RAB3C: variants seen among roughly 807,000 people sequenced by gnomAD.
RAB3C encodes the protein RAB3C, member RAS oncogene family.
RAB3C carries 17 observed loss-of-function variants against 26.4 expected under a neutral mutation model. That is an observed-to-expected ratio of 0.64 (90% CI 0.44 to 0.97). RAB3C has a LOEUF of 0.97. RAB3C is among the 50% of genes least tolerant of loss of function. RAB3C has a pLI of 0.00. For missense variants in RAB3C, 242 were observed against 281.9 expected (o/e 0.86, Z 1.01); for synonymous variants, 91 against 95.9 (o/e 0.95, Z 0.30).
At chr5:58,718,663 G>A (rs1237261293) in intron 2 of RAB3C, among the ~76,000 whole-genome samples, 1 of 152,022 alleles carries the variant, frequency 6.6e-6, no homozygotes, top group African/African-American at 2.4e-5. Flanking sequence ...TGAAAAGGTT[G>A]GATAAAGGAC....
intron 3 of RAB3C, chr5:58,814,540 C>G (rs533555849): frequency 6.6e-6 from 1 of 152,256 alleles, no homozygotes; most frequent in African/African-American, 2.4e-5. Context: ...TCACTAATTC[C>G]CCCAGGACAA....
At chr5:58,666,709 G>T (rs1375352780) in intron 2 of RAB3C, among the ~76,000 whole-genome samples, 1 of 152,216 alleles carries the variant, frequency 6.6e-6, no homozygotes, top group African/African-American at 2.4e-5. Flanking sequence ...GGAAGCCTGA[G>T]CTGCGGTCAG....
chr5:58,731,031 T>C lies in RAB3C; in HGVS notation c.371+4911T>C, dbSNP rs192347384. 2.0e-4 allele frequency among the ~76,000 whole-genome samples: 30 copies of C among 151,894 alleles called. No individual in the cohort carries two copies. The East Asian group carries it at 5.8e-3, about 30-fold the overall frequency. On this transcript the variant is annotated intron_variant, in intron 3 of 4. Transcript: ENST00000282878. ...GAGACTTACTATCATAAGAACAACA[T>C]GGGAAAAAAACCCACCCCATGATTC...
At chr5:58,780,093 T>C (rs1483289139) in intron 3 of RAB3C, among the ~76,000 whole-genome samples, 3 of 152,020 alleles carry the variant, frequency 2.0e-5, no homozygotes, top group Non-Finnish European at 4.4e-5. Flanking sequence ...CTGAAAAGCA[T>C]TGGAGGGCAG....
intron 3 of RAB3C, chr5:58,822,989 G>T: frequency 1.6e-6 from 1 of 617,722 alleles, no homozygotes; most frequent in Non-Finnish European, 3.1e-6. Context: ...TAAAGTTTTT[G>T]GGGCCTTGAA....
At chr5:58,733,266 AT>A (rs1348444577) in intron 3 of RAB3C, among the ~76,000 whole-genome samples, 1 of 152,132 alleles carries the variant, frequency 6.6e-6, no homozygotes. Flanking sequence ...TATTCATGGA[AT>A]GAGTGAGTAA....
rs372157686 is a variant in RAB3C, at chr5:58,612,487, G to GGT, written c.25-5123_25-5122dup. Among the ~76,000 whole-genome samples the GGT allele has an allele frequency of 2.7e-3, 304 of 113,018 alleles. 1 individual carries two copies. The highest frequency in any genetic ancestry group is 8.0e-3 in the African/African-American group (203 of 25,252). The allele number at this position is 113,018 out of a possible 152,430, so 74.1% of individuals were successfully genotyped here. On this transcript the variant is annotated intron_variant, in intron 1 of 4. Transcript: ENST00000282878. Reference sequence around the variant, plus strand: ...GGTTAGCTGGTTAGCTGTGTTCCTAGGTGTGTGTGTGTGTGTGTGTGTGTG... The same window carrying GGT: ...GGTTAGCTGGTTAGCTGTGTTCCTAGGTGTGTGTGTGTGTGTGTGTGTGTGTG...
chr5:58,674,351 A>G (rs1192379688), intron 2 of RAB3C, among the ~76,000 whole-genome samples: 1 of 152,204 alleles, frequency 6.6e-6, no homozygotes, highest in Non-Finnish European at 1.5e-5. Context: ...TGAAGTATAT[A>G]TTAATATGTT....
intron 2 of RAB3C, among the ~76,000 whole-genome samples, chr5:58,721,487 A>G (rs1035300667): frequency 3.3e-5 from 5 of 151,852 alleles, no homozygotes; most frequent in African/African-American, 1.2e-4. Flanking sequence ...TTGGGAAAAG[A>G]TACCATTTTA....
In RAB3C at chr5:58,712,350, T is replaced by C. The variant is rs193184388; in HGVS notation, c.253-13652T>C. Among the ~76,000 whole-genome samples the C allele has an allele frequency of 1.7e-3, 257 of 152,272 alleles. 1 individual carries two copies. Among genetic ancestry groups the C allele is most frequent in the South Asian group, 5.4e-3 (26 of 4,822 alleles). ...AGGTATATAGATATTTAATGTTTGGTTGGTTTTCATTAAGAAGTTAGGTTA... is the reference window on the plus strand; with the variant it reads ...AGGTATATAGATATTTAATGTTTGGCTGGTTTTCATTAAGAAGTTAGGTTA... On this transcript the variant is annotated intron_variant, in intron 2 of 4. Transcript: ENST00000282878.
intron 3 of RAB3C, among the ~76,000 whole-genome samples, chr5:58,807,489 A>G (rs529257174): frequency 6.3e-4 from 96 of 152,302 alleles, no homozygotes; most frequent in Admixed American, 9.8e-4. Flanking sequence ...TAAGCAACAG[A>G]CATTTATTTC....
At chr5:58,742,343 A>G (rs1354587798) in intron 3 of RAB3C, among the ~76,000 whole-genome samples, 1 of 152,190 alleles carries the variant, frequency 6.6e-6, no homozygotes, top group African/African-American at 2.4e-5. Context: ...CCATGTCAAA[A>G]TGTTCTTTTT....
intron 1 of RAB3C, among the ~76,000 whole-genome samples, chr5:58,612,512 GTGTGTGTGTATATATATATATA>G (rs1308474850): frequency 1.4e-5 from 1 of 70,244 alleles, no homozygotes; most frequent in Non-Finnish European, 2.4e-5. Flanking sequence ...GTGTGTGTGT[GTGTGTGTGTATATATATATATA>G]TATATATATA....
intron 1 of RAB3C, among the ~76,000 whole-genome samples, chr5:58,602,774 G>T (rs546517378): frequency 6.6e-6 from 1 of 152,252 alleles, no homozygotes; most frequent in Non-Finnish European, 1.5e-5. Flanking sequence ...TAGTTGGTTG[G>T]TGAGTTTTTA....
intron 2 of RAB3C, among the ~76,000 whole-genome samples, chr5:58,724,204 C>T (rs1740831930): frequency 6.6e-6 from 1 of 151,378 alleles, no homozygotes; most frequent in African/African-American, 2.4e-5. Flanking sequence ...CATTTATTGA[C>T]CAATTTTTGT....
intron 3 of RAB3C, among the ~76,000 whole-genome samples, chr5:58,790,152 AT>A (rs1322293299): frequency 6.6e-6 from 1 of 152,190 alleles, no homozygotes; most frequent in Non-Finnish European, 1.5e-5. Context: ...CATGTCCAAA[AT>A]AGGGCTTTAC....
chr5:58,682,784 T>G (rs1053803187), intron 2 of RAB3C, among the ~76,000 whole-genome samples: 5 of 152,076 alleles, frequency 3.3e-5, no homozygotes, highest in African/African-American at 1.2e-4. Context: ...AGAGAAGGAA[T>G]TTAAATGACT....
intron 2 of RAB3C, among the ~76,000 whole-genome samples, chr5:58,622,874 T>C (rs1746965363): frequency 2.0e-5 from 3 of 152,218 alleles, no homozygotes; most frequent in South Asian, 4.1e-4. Flanking sequence ...GCAAAGCCCA[T>C]GTACTTGACC....
chr5:58,691,119 T>G (rs1308647757), intron 2 of RAB3C, among the ~76,000 whole-genome samples: 1 of 151,982 alleles, frequency 6.6e-6, no homozygotes, highest in Non-Finnish European at 1.5e-5. Flanking sequence ...ATGGATAAAT[T>G]GCTTTATTTC....
Sources: allele counts gnomAD v4.1 joint callset (sites outside exome capture counted in the v4.1 genomes callset), GRCh38; gene constraint gnomAD v4.1.1; transcripts MANE v1.5; gene names NCBI Gene and HGNC (gene_info 2026-07-23, HGNC 2026-07-21).